SUSD1: variants seen among roughly 807,000 people sequenced by gnomAD.
The protein encoded by SUSD1 is sushi domain-containing protein 1.
SUSD1 carries 65 observed loss-of-function variants against 86.9 expected under a neutral mutation model. The ratio of observed to expected loss-of-function variants is 0.75; its 90% CI spans 0.61 to 0.92. SUSD1 has a LOEUF of 0.92. Ranked by LOEUF, SUSD1 falls within the 40% of genes least tolerant of loss-of-function variation. The pLI is 0.00. For missense variants in SUSD1, 850 were observed against 929.7 expected (o/e 0.91, Z 1.11); for synonymous variants, 346 against 350.0 (o/e 0.99, Z 0.13).
chr9:112,136,497 G>A (rs1193044698), intron 5 of SUSD1, among the ~76,000 whole-genome samples: 1 of 152,216 alleles, frequency 6.6e-6, no homozygotes, highest in Non-Finnish European at 1.5e-5. Context: ...GTCTCCCAAA[G>A]TGCTAGGATT....
At chr9:112,081,373 G>C (rs1829761044) in intron 10 of SUSD1, among the ~76,000 whole-genome samples, 1 of 152,200 alleles carries the variant, frequency 6.6e-6, no homozygotes, top group Non-Finnish European at 1.5e-5. Flanking sequence ...AAGAAAACCT[G>C]TACAAGTCAC....
Position 112,149,381 on chromosome 9 carries a change from A to G in SUSD1, c.236T>C (p.Phe79Ser). The change falls in exon 3 of 17, where the codon TTT becomes TCT. Residue 79 changes from phenylalanine (F) to serine (S), a missense_variant. Transcript: ENST00000374270. ...TQCVDKNECQ[F>S]GATLVCGNHT... is the part of the protein sequence containing the mutation. ...GTTCCCACAGACAAGAGTGGCTCCA[A>G]ACTGGCACTCATTTTTATCTGTTGA... The G allele has an allele frequency of 1.9e-6, 3 of 1,614,130 alleles. No homozygotes were observed. The highest frequency in any genetic ancestry group is 3.3e-4 in the Middle Eastern group (2 of 6,052).
intron 10 of SUSD1, among the ~76,000 whole-genome samples, chr9:112,091,619 A>G (rs185803490): frequency 6.6e-6 from 1 of 152,372 alleles, no homozygotes; most frequent in Admixed American, 6.5e-5. Flanking sequence ...GAAGTAGCCT[A>G]TATAGACAGT....
chr9:112,099,365 T>A (rs980637352), intron 9 of SUSD1, among the ~76,000 whole-genome samples: 1 of 151,972 alleles, frequency 6.6e-6, no homozygotes, highest in East Asian at 1.9e-4. Flanking sequence ...TTCTTTTCAT[T>A]GTAAGAAATC....
chr9:112,091,812 C>G (rs1044833786), intron 10 of SUSD1, among the ~76,000 whole-genome samples: 2 of 152,098 alleles, frequency 1.3e-5, no homozygotes. Flanking sequence ...AAGCTGGGAG[C>G]TTTACTGTTA....
At chr9:112,052,248 A>AT (rs777962998) in intron 15 of SUSD1, 151 bp downstream of exon 15, 24 of 1,541,260 alleles carry the variant, frequency 1.6e-5, no homozygotes, top group Admixed American at 7.8e-5. Flanking sequence ...CCCTCCTCCC[A>AT]TTTTTTTTCA....
intron 14 of SUSD1, among the ~76,000 whole-genome samples, chr9:112,056,710 T>G (rs1010408921): frequency 6.8e-6 from 1 of 146,920 alleles, no homozygotes; most frequent in Non-Finnish European, 1.5e-5. Context: ...CCAGAATTCT[T>G]TGTGTGTGTG....
intron 1 of SUSD1, among the ~76,000 whole-genome samples, chr9:112,163,778 C>T (rs1182964979): frequency 1.3e-5 from 2 of 152,150 alleles, no homozygotes; most frequent in African/African-American, 2.4e-5. Context: ...CAGGGCAGAT[C>T]ACTTGAGGCC....
chr9:112,150,598 G>A (rs1833004344), intron 2 of SUSD1, among the ~76,000 whole-genome samples: 1 of 152,108 alleles, frequency 6.6e-6, no homozygotes, highest in South Asian at 2.1e-4. Context: ...ATGATTGTGG[G>A]AACATCATAG....
At position 112,166,192 on chromosome 9, in the gene SUSD1, T is replaced by C. The variant is rs142841795; in HGVS notation, c.104-8579A>G. On this transcript the variant is annotated intron_variant, in intron 1 of 16. Transcript: ENST00000374270. ...GGGGTGCTTATTATTCAGCCGTGAT[T>C]AGCCTATTCTGCAGGACTTTGCGGG... 2.9e-3 allele frequency among the ~76,000 whole-genome samples: 440 copies of C among 152,336 alleles called. 3 individuals are homozygous for C. The highest frequency in any genetic ancestry group is 1.0e-2 in the African/African-American group (415 of 41,564).
At chr9:112,165,019 A>G (rs1025819970) in intron 1 of SUSD1, among the ~76,000 whole-genome samples, 9 of 152,260 alleles carry the variant, frequency 5.9e-5, no homozygotes, top group Non-Finnish European at 1.3e-4. Flanking sequence ...GCAGGCTCCA[A>G]TTCAGTTGGT....
intron 6 of SUSD1, among the ~76,000 whole-genome samples, chr9:112,115,629 A>T (rs1831278887): frequency 6.6e-6 from 1 of 152,022 alleles, no homozygotes; most frequent in African/African-American, 2.4e-5. Flanking sequence ...CAACATGGTG[A>T]AACCGCATCT....
intron 5 of SUSD1, among the ~76,000 whole-genome samples, chr9:112,132,214 G>A (rs891678800): frequency 6.6e-6 from 1 of 151,980 alleles, no homozygotes; most frequent in African/African-American, 2.4e-5. Context: ...TAATATAAAG[G>A]CTCCATCTAA....
chr9:112,103,972 G>C (rs1036835341), intron 8 of SUSD1, among the ~76,000 whole-genome samples: 3 of 152,102 alleles, frequency 2.0e-5, no homozygotes, highest in Non-Finnish European at 4.4e-5. Context: ...GAATCACCCA[G>C]ACATCAGCAG....
At chr9:112,079,737 G>A (rs1252920759) in intron 11 of SUSD1, among the ~76,000 whole-genome samples, 1 of 151,928 alleles carries the variant, frequency 6.6e-6, no homozygotes, top group Non-Finnish European at 1.5e-5. Context: ...TGAATAGCTG[G>A]GATTACAGCT....
At chr9:112,059,530 G>T (rs1828617647) in intron 13 of SUSD1, among the ~76,000 whole-genome samples, 1 of 152,128 alleles carries the variant, frequency 6.6e-6, no homozygotes, top group African/African-American at 2.4e-5. Context: ...TGATACCAAA[G>T]TTCATGTGAA....
At chr9:112,079,719 C>T (rs1194305208) in intron 11 of SUSD1, among the ~76,000 whole-genome samples, 1 of 151,978 alleles carries the variant, frequency 6.6e-6, no homozygotes, top group Non-Finnish European at 1.5e-5. Flanking sequence ...TCTCCTGCCT[C>T]AGCCTCCTGA....
chr9:112,043,342 A>C (rs1056356552), intron 15 of SUSD1, among the ~76,000 whole-genome samples: 3 of 152,188 alleles, frequency 2.0e-5, no homozygotes, highest in Non-Finnish European at 2.9e-5. Context: ...ACCCAGATCC[A>C]TAAACTGGTT....
intron 14 of SUSD1, among the ~76,000 whole-genome samples, chr9:112,053,283 G>A (rs55744607): frequency 0.077 from 11,742 of 151,960 alleles, 749 homozygotes; most frequent in East Asian, 0.25. Flanking sequence ...GGGAGGCTGA[G>A]ATGAGCAGAT....
Sources: gnomAD v4.1 joint callset for allele counts (sites outside exome capture counted in the v4.1 genomes callset) on GRCh38, gnomAD v4.1.1 for gene constraint, MANE v1.5 for transcripts, NCBI Gene and HGNC (gene_info 2026-07-23, HGNC 2026-07-21) for gene names.